LMLN: variants seen among roughly 807,000 people sequenced by gnomAD.
LMLN encodes the protein leishmanolysin like peptidase, also known as leishmanolysin-like peptidase.
LMLN carries 70 observed loss-of-function variants against 92.3 expected under a neutral mutation model. That is an observed-to-expected ratio of 0.76 (90% confidence interval 0.63 to 0.92). LMLN has a LOEUF of 0.92. LMLN is among the 40% of genes least tolerant of loss of function. The pLI is 0.00. For synonymous variants in LMLN, 308 were observed against 296.2 expected (o/e 1.04, Z -0.41); for missense variants, 691 against 814.6 (o/e 0.85, Z 1.85).
At chr3:197,967,074 G>A (rs1721079991) in intron 1 of LMLN, among the ~76,000 whole-genome samples, 1 of 152,194 alleles carries the variant, frequency 6.6e-6, no homozygotes, top group South Asian at 2.1e-4. Context: ...GGGATTGTAA[G>A]TGTGAGCCAC....
intron 6 of LMLN, 23 bp downstream of exon 6, chr3:197,980,527 G>C (rs369977407): frequency 3.7e-6 from 6 of 1,601,914 alleles, no homozygotes; most frequent in Non-Finnish European, 5.1e-6. Context: ...CCGGGACTTA[G>C]TTTCCAAGAT....
chr3:197,981,953 C>T (rs1218502591), intron 6 of LMLN, among the ~76,000 whole-genome samples: 3 of 151,982 alleles, frequency 2.0e-5, no homozygotes, highest in Admixed American at 6.6e-5. Flanking sequence ...TACAGGTGTG[C>T]GCCACTGCGC....
chr3:197,999,158 C>T (rs1581157447), intron 10 of LMLN, 108 bp from the exon 11 acceptor site: 2 of 758,988 alleles, frequency 2.6e-6, no homozygotes, highest in Non-Finnish European at 2.3e-6. Context: ...AATGTCTTGT[C>T]AGCCTCTCAC....
Position 197,984,917 on chromosome 3 carries a change from T to TC in LMLN, c.835-872dup, listed in dbSNP as rs886430152. Among the ~76,000 whole-genome samples the TC allele has an allele frequency of 1.9e-4, 28 of 151,296 alleles. No individual in the cohort carries two copies. In the East Asian group the frequency reaches 2.2e-3, roughly 12 times the overall value. Reference sequence around the variant, plus strand: ...GTCTTGAACTCCCGGGCTCAAGTGATCCCCCCCGCCTCAGCCTCCCAAAGT... The same window carrying TC: ...GTCTTGAACTCCCGGGCTCAAGTGATCCCCCCCCGCCTCAGCCTCCCAAAGT... On this transcript the variant is annotated intron_variant, in intron 7 of 15. Transcript: ENST00000330198.
At chr3:198,006,854 A>C (rs1265908655) in intron 11 of LMLN, among the ~76,000 whole-genome samples, 1 of 152,096 alleles carries the variant, frequency 6.6e-6, no homozygotes. Context: ...CTGGGACTAC[A>C]GGCACGTACC....
chr3:198,038,008 G>T (rs1356362501), intron 15 of LMLN, among the ~76,000 whole-genome samples: 1 of 151,480 alleles, frequency 6.6e-6, no homozygotes, highest in Non-Finnish European at 1.5e-5. Flanking sequence ...GTTATTGCTG[G>T]TCCTGTCCCT....
intron 1 of LMLN, among the ~76,000 whole-genome samples, chr3:197,964,165 T>G (rs1346588089): frequency 6.6e-6 from 1 of 152,184 alleles, no homozygotes; most frequent in East Asian, 1.9e-4. Context: ...CTTTAATGTT[T>G]GTTTCTATTT....
At chr3:198,021,495 G>T in exon 13 of LMLN, 1 of 1,614,104 alleles carries the variant, frequency 6.2e-7, no homozygotes, top group Non-Finnish European at 8.5e-7. Context: ...CCTTATTATG[G>T]TGGCTCCGTG....
chr3:198,043,104 C>G (rs1723452566), exon 16 of LMLN: 1 of 139,968 alleles, frequency 7.1e-6, no homozygotes, highest in Admixed American at 6.9e-5. Flanking sequence ...ATAAATATAT[C>G]AAAGTATTTC....
chr3:198,028,493 G>C (rs1292622158), intron 14 of LMLN, among the ~76,000 whole-genome samples: 3 of 152,344 alleles, frequency 2.0e-5, no homozygotes, highest in South Asian at 4.1e-4. Context: ...TCAGGTGAAA[G>C]TTCAAAGGGA....
At chr3:197,974,583 A>G (rs1054399412) in intron 2 of LMLN, 109 bp downstream of exon 2, 6 of 584,618 alleles carry the variant, frequency 1.0e-5, no homozygotes, top group Admixed American at 4.0e-5. Context: ...CTTAAGGACT[A>G]GTGTAGCTTC....
intron 7 of LMLN, 27 bp from the exon 8 acceptor site, chr3:197,985,769 G>A: frequency 6.7e-7 from 1 of 1,482,408 alleles, no homozygotes; most frequent in Non-Finnish European, 9.4e-7. Flanking sequence ...TTTTTCACTT[G>A]AAGACATTTT....
At chr3:197,996,990 T>G (rs758293199) in intron 10 of LMLN, among the ~76,000 whole-genome samples, 1 of 150,828 alleles carries the variant, frequency 6.6e-6, no homozygotes, top group Non-Finnish European at 1.5e-5. Flanking sequence ...TCTTTTCTTT[T>G]GTTTTTTTTC....
At chr3:197,963,708 G>A (rs1341110852) in intron 1 of LMLN, among the ~76,000 whole-genome samples, 1 of 152,102 alleles carries the variant, frequency 6.6e-6, no homozygotes, top group East Asian at 1.9e-4. Flanking sequence ...AATTTTTGAT[G>A]TTAGCAATGT....
chr3:197,986,037 ATAAGAGG>A, intron 8 of LMLN, 147 bp downstream of exon 8: 1 of 579,100 alleles, frequency 1.7e-6, no homozygotes, highest in Non-Finnish European at 3.1e-6. Flanking sequence ...AAAATGGGAT[ATAAGAGG>A]CCATTTTATG....
At chr3:198,017,503 A>G (rs932028631) in intron 11 of LMLN, among the ~76,000 whole-genome samples, 1 of 152,234 alleles carries the variant, frequency 6.6e-6, no homozygotes, top group Non-Finnish European at 1.5e-5. Context: ...TAAATCGCCC[A>G]ACTCCTCTGC....
chr3:197,996,484 C>T, intron 10 of LMLN: 1 of 351,514 alleles, frequency 2.8e-6, no homozygotes, highest in Non-Finnish European at 5.1e-6. Context: ...TATGTGTGTG[C>T]AAACACACGC....
At chr3:197,987,119 C>T (rs1721731736) in intron 8 of LMLN, among the ~76,000 whole-genome samples, 1 of 149,376 alleles carries the variant, frequency 6.7e-6, no homozygotes. Flanking sequence ...GGATTACAGG[C>T]ATGAGCCACC....
At position 197,974,284 on chromosome 3, in the gene LMLN, A is replaced by C. The variant is rs372263483; in HGVS notation, c.220-93A>C. ...TCACAGAACTTTTTCTCTGGGTATT[A>C]CACTTGAAATTTAGTTCATTAATTT... On this transcript the variant is annotated intron_variant, in intron 1 of 15. Coordinates refer to ENST00000330198, the Ensembl canonical transcript of LMLN. 4 of 686,484 alleles carry C rather than the reference A, an allele frequency of 5.8e-6. No individual in the cohort carries two copies. In the Admixed American group the frequency reaches 9.2e-5, roughly 16 times the overall value. 42.5% of individuals were successfully genotyped at this position (686,484 alleles called of 1,614,324 possible). A position where few individuals can be genotyped will look rare whatever the true frequency, so the allele number is the denominator to read the frequency against.
Sources: allele counts gnomAD v4.1 joint callset (sites outside exome capture counted in the v4.1 genomes callset), GRCh38; gene constraint gnomAD v4.1.1; transcripts MANE v1.5; gene names NCBI Gene and HGNC (gene_info 2026-07-23, HGNC 2026-07-21).